PCCA: variants seen among roughly 807,000 people sequenced by gnomAD.
PCCA encodes propionyl-CoA carboxylase alpha chain, mitochondrial.
PCCA carries 74 observed loss-of-function variants against 101.3 expected under a neutral mutation model. The observed-to-expected ratio is 0.73, with a 90% confidence interval of 0.61 to 0.89. The LOEUF (loss-of-function observed/expected upper bound fraction) is 0.89, where lower values mean the gene tolerates loss of function less well. Among genes scored for constraint, PCCA ranks in the 40% least tolerant of loss-of-function variants. The pLI is 0.00. For missense variants in PCCA, 891 were observed against 907.0 expected (o/e 0.98, Z 0.23); for synonymous variants, 294 against 313.6 (o/e 0.94, Z 0.66).
chr13:100,101,310 A>G (rs1427037397), intron 1 of PCCA, among the ~76,000 whole-genome samples: 1 of 152,194 alleles, frequency 6.6e-6, no homozygotes, highest in Non-Finnish European at 1.5e-5. Context: ...TCTGTGGTTA[A>G]ATCTTATAAC....
At chr13:100,140,858 C>T (rs904706938) in intron 4 of PCCA, among the ~76,000 whole-genome samples, 4 of 152,108 alleles carry the variant, frequency 2.6e-5, no homozygotes, top group African/African-American at 7.2e-5. Context: ...TCTTTGCATC[C>T]TGTATACTAT....
intron 4 of PCCA, among the ~76,000 whole-genome samples, chr13:100,112,271 TAGAC>T (rs942649406): frequency 1.5e-4 from 23 of 152,178 alleles, no homozygotes; most frequent in Non-Finnish European, 2.4e-4. Context: ...TTTAAAAACT[TAGAC>T]AGAAAAATTG....
chr13:100,502,021 G>T (rs1594034951), intron 21 of PCCA, among the ~76,000 whole-genome samples: 1 of 152,122 alleles, frequency 6.6e-6, no homozygotes, highest in Non-Finnish European at 1.5e-5. Flanking sequence ...ATGCTGTCTT[G>T]GTGGAGAGCA....
At chr13:100,282,526 G>T (rs2064214870) in intron 12 of PCCA, among the ~76,000 whole-genome samples, 1 of 152,216 alleles carries the variant, frequency 6.6e-6, no homozygotes, top group Non-Finnish European at 1.5e-5. Flanking sequence ...GGCTTGGCGG[G>T]CCCCACACTC....
At chr13:100,465,977 A>G (rs945598231) in intron 21 of PCCA, among the ~76,000 whole-genome samples, 1 of 152,242 alleles carries the variant, frequency 6.6e-6, no homozygotes, top group Non-Finnish European at 1.5e-5. Context: ...TGGATCATGA[A>G]CCAGGTCTAC....
intron 21 of PCCA, among the ~76,000 whole-genome samples, chr13:100,493,985 T>C (rs987274426): frequency 9.2e-5 from 14 of 151,960 alleles, no homozygotes; most frequent in African/African-American, 3.4e-4. Context: ...GGTCAGGAGC[T>C]GGTGACCATC....
intron 11 of PCCA, among the ~76,000 whole-genome samples, chr13:100,271,509 C>G (rs776294761): frequency 1.3e-5 from 2 of 151,918 alleles, no homozygotes; most frequent in African/African-American, 2.4e-5. Context: ...GCAGTTGAAC[C>G]AAGAATGTGA....
At chr13:100,496,261 CA>C (rs981657112) in intron 21 of PCCA, among the ~76,000 whole-genome samples, 3 of 152,142 alleles carry the variant, frequency 2.0e-5, no homozygotes, top group Middle Eastern at 3.2e-3. Context: ...GTCTTTAAAG[CA>C]AAAGAAAAAG....
At chr13:100,131,529 T>C (rs1199768243) in intron 4 of PCCA, among the ~76,000 whole-genome samples, 8 of 152,210 alleles carry the variant, frequency 5.3e-5, no homozygotes, top group African/African-American at 1.9e-4. Context: ...AAGCATACAG[T>C]TCAGTAACAT....
At chr13:100,259,843 T>C (rs1192157502) in intron 9 of PCCA, among the ~76,000 whole-genome samples, 1 of 152,208 alleles carries the variant, frequency 6.6e-6, no homozygotes, top group Non-Finnish European at 1.5e-5. Context: ...TTTGTATTCC[T>C]AGCATCTAAA....
intron 7 of PCCA, among the ~76,000 whole-genome samples, chr13:100,232,235 A>G (rs1351737734): frequency 6.6e-6 from 1 of 151,806 alleles, no homozygotes; most frequent in Non-Finnish European, 1.5e-5. Flanking sequence ...TTCTTTCCCT[A>G]TGAAATTGCT....
rs2152190089 is a variant in PCCA at position 100,089,214 on chromosome 13, C to A, written c.94C>A (p.Arg32=). 6.6e-7 allele frequency: 1 copy of A among 1,521,088 alleles called. No homozygotes were observed. Among genetic ancestry groups the A allele is most frequent in the Non-Finnish European group, 8.8e-7 (1 of 1,135,690 alleles). The allele number at this position is 1,521,088 out of a possible 1,614,324, so 94.2% of individuals were successfully genotyped here. ...GCAGCTGATGCTGAGCGCGGCGCTG[C>A]GGACCCTGAAGGTGAGGAGCAACGG... ...PQQLMLSAAL[R]TLKHVLYYSR... Residue 32 remains arginine (R), a synonymous_variant, in exon 1 of 24, where the codon CGG becomes AGG. Coordinates refer to ENST00000376285, the MANE Select transcript of PCCA (RefSeq NM_000282.4).
chr13:100,410,406 C>A (rs964486973), intron 19 of PCCA, among the ~76,000 whole-genome samples: 3 of 152,128 alleles, frequency 2.0e-5, no homozygotes, highest in African/African-American at 7.2e-5. Context: ...TGATGCCCAG[C>A]TAATTTTTGT....
chr13:100,129,384 T>G (rs1476689787), intron 4 of PCCA, among the ~76,000 whole-genome samples: 7 of 152,212 alleles, frequency 4.6e-5, no homozygotes. Flanking sequence ...TTACTCTGTT[T>G]TGGAATTTTA....
At chr13:100,340,722 G>A (rs2071179169) in intron 18 of PCCA, among the ~76,000 whole-genome samples, 1 of 152,194 alleles carries the variant, frequency 6.6e-6, no homozygotes, top group Admixed American at 6.5e-5. Context: ...TAGCTTCCTA[G>A]TGACCCAGGT....
chr13:100,470,305 T>G (rs1244576476), intron 21 of PCCA, among the ~76,000 whole-genome samples: 1 of 152,200 alleles, frequency 6.6e-6, no homozygotes, highest in Admixed American at 6.5e-5. Flanking sequence ...GATTATTTCC[T>G]GCTTAATCTT....
At chr13:100,209,287 T>G in intron 6 of PCCA, 45 bp from the exon 7 acceptor site, 1 of 1,576,676 alleles carries the variant, frequency 6.3e-7, no homozygotes, top group Non-Finnish European at 8.7e-7. Context: ...CACATCATGC[T>G]CCGTAATGTT....
At chr13:100,213,471 C>CTGA (rs2059343129) in intron 7 of PCCA, among the ~76,000 whole-genome samples, 1 of 152,178 alleles carries the variant, frequency 6.6e-6, no homozygotes, top group South Asian at 2.1e-4. Flanking sequence ...TTGCATTTCT[C>CTGA]TGATGATCAG....
chr13:100,472,872 T>TA (rs112926036), intron 21 of PCCA, among the ~76,000 whole-genome samples: 34,832 of 143,136 alleles, frequency 0.24, 4,215 homozygotes, highest in Non-Finnish European at 0.29. Flanking sequence ...TATCATAAGA[T>TA]AAAAAAAAAA....
Sources: allele counts gnomAD v4.1 joint callset (sites outside exome capture counted in the v4.1 genomes callset), GRCh38; gene constraint gnomAD v4.1.1; transcripts MANE v1.5; gene names NCBI Gene and HGNC (gene_info 2026-07-23, HGNC 2026-07-21).